The following ITGAE variants were observed in gnomAD, a reference collection of about 807,000 sequenced individuals.
ITGAE encodes integrin subunit alpha E.
A neutral mutation model predicts 136.5 loss-of-function variants in ITGAE; 99 were observed. That is an observed-to-expected ratio of 0.73 (90% CI 0.62 to 0.86). The LOEUF (loss-of-function observed/expected upper bound fraction) is 0.86, where lower values mean the gene tolerates loss of function less well. Ranked by LOEUF, ITGAE falls within the 40% of genes least tolerant of loss-of-function variation. The pLI, the probability that ITGAE is intolerant of heterozygous loss-of-function variation, is 0.00. For missense variants in ITGAE, 1,447 were observed against 1,515.3 expected, an observed-to-expected ratio of 0.95 and a Z score of 0.75; for synonymous variants, 613 against 591.8, an observed-to-expected ratio of 1.04 and a Z score of -0.52.
In ITGAE at chr17:3,743,488, C is replaced by G; in HGVS notation, c.2448+1G>C. On this transcript the variant is annotated splice_donor_variant, in intron 19 of 30. Coordinates refer to ENST00000263087, the MANE Select transcript of ITGAE (RefSeq NM_002208.5). LOFTEE classifies it high-confidence loss of function. ...TGGGTACTGGCTGTGGGTAGAGTCACCTGGAAGATGGCAAAGGGCTCAGTG... is the reference window on the plus strand; with the variant it reads ...TGGGTACTGGCTGTGGGTAGAGTCAGCTGGAAGATGGCAAAGGGCTCAGTG... The G allele has an allele frequency of 6.3e-7, 1 of 1,591,850 alleles. No individual in the cohort carries two copies. The highest frequency in any genetic ancestry group is 8.5e-7 in the Non-Finnish European group (1 of 1,171,598).
chr17:3,746,009 C>T, intron 17 of ITGAE, 82 bp from the exon 18 acceptor site: 1 of 1,302,610 alleles, frequency 7.7e-7, no homozygotes, highest in Non-Finnish European at 1.1e-6. Context: ...CCTGAGGTTC[C>T]TTGTGGCCCC....
At chr17:3,797,369 G>A (rs1483437579) in intron 1 of ITGAE, among the ~76,000 whole-genome samples, 1 of 150,826 alleles carries the variant, frequency 6.6e-6, no homozygotes, top group Non-Finnish European at 1.5e-5. Flanking sequence ...GTTTCACTGT[G>A]TTAGCCAGGA....
intron 20 of ITGAE, among the ~76,000 whole-genome samples, chr17:3,736,026 C>T (rs1021848238): frequency 6.6e-6 from 1 of 152,132 alleles, no homozygotes; most frequent in African/African-American, 2.4e-5. Flanking sequence ...TGCCTGTAAT[C>T]CCAGCTACTC....
chr17:3,766,051 G>T (rs1248056482), intron 2 of ITGAE, among the ~76,000 whole-genome samples: 1 of 152,204 alleles, frequency 6.6e-6, no homozygotes, highest in African/African-American at 2.4e-5. Flanking sequence ...ATGAGATGGG[G>T]GGGTTATCCT....
intron 26 of ITGAE, 190 bp from the exon 27 acceptor site, chr17:3,723,934 C>T: frequency 2.6e-6 from 4 of 1,549,028 alleles, no homozygotes; most frequent in Non-Finnish European, 3.5e-6. Flanking sequence ...CGGGTGCCGG[C>T]CATGGCGGCT....
chr17:3,743,625 G>T lies in ITGAE; in HGVS notation c.2320-8C>A. The T allele has an allele frequency of 6.2e-7, 1 of 1,610,390 alleles. No individual in the cohort carries two copies. Among genetic ancestry groups the T allele is most frequent in the Non-Finnish European group, 8.5e-7 (1 of 1,178,716 alleles). Reference sequence around the variant, plus strand: ...GCAGTCCTCCTCACAGAGCTGTGGGGTCACCACGGAAGGCAGGGTTAGAGT... The same window carrying T: ...GCAGTCCTCCTCACAGAGCTGTGGGTTCACCACGGAAGGCAGGGTTAGAGT... On this transcript the variant is annotated splice_region_variant and splice_polypyrimidine_tract_variant and intron_variant, in intron 18 of 30. Coordinates refer to ENST00000263087, the MANE Select transcript of ITGAE (RefSeq NM_002208.5).
At chr17:3,774,981 C>T (rs2052507739) in intron 2 of ITGAE, among the ~76,000 whole-genome samples, 1 of 152,060 alleles carries the variant, frequency 6.6e-6, no homozygotes, top group Admixed American at 6.6e-5. Flanking sequence ...CGTTCTGTCA[C>T]CCAGGCTGAA....
At chr17:3,752,143 G>A (rs2051887903) in intron 14 of ITGAE, among the ~76,000 whole-genome samples, 2 of 152,180 alleles carry the variant, frequency 1.3e-5, no homozygotes, top group Non-Finnish European at 2.9e-5. Flanking sequence ...CACGCTCACT[G>A]GCCAGGGACC....
At chr17:3,731,002 C>G in intron 23 of ITGAE, 102 bp downstream of exon 23, 1 of 898,844 alleles carries the variant, frequency 1.1e-6, no homozygotes, top group Non-Finnish European at 1.8e-6. Flanking sequence ...TTTCCTTTCT[C>G]CCTGGGCTGT....
intron 13 of ITGAE, 44 bp from the exon 14 acceptor site, chr17:3,753,474 G>A: frequency 6.3e-7 from 1 of 1,599,040 alleles, no homozygotes; most frequent in Non-Finnish European, 8.5e-7. Context: ...CCCCGCTCCT[G>A]CACCCCTCAG....
chr17:3,742,978 G>T (rs1012590052), intron 19 of ITGAE, among the ~76,000 whole-genome samples: 1 of 152,208 alleles, frequency 6.6e-6, no homozygotes, highest in Non-Finnish European at 1.5e-5. Context: ...GACACTACCC[G>T]CCTGTCTAAG....
chr17:3,752,895 T>C (rs220481), intron 14 of ITGAE, among the ~76,000 whole-genome samples: 20,403 of 147,406 alleles, frequency 0.14, 1,551 homozygotes, highest in African/African-American at 0.19. Flanking sequence ...ACCAAAAATA[T>C]AAAATTAGCC....
At chr17:3,786,556 T>C (rs2052802526) in intron 1 of ITGAE, among the ~76,000 whole-genome samples, 1 of 152,090 alleles carries the variant, frequency 6.6e-6, no homozygotes, top group South Asian at 2.1e-4. Flanking sequence ...AATACAAAAA[T>C]GCTGCACAAA....
chr17:3,750,693 G>A (rs1452485691), intron 15 of ITGAE, among the ~76,000 whole-genome samples: 1 of 152,004 alleles, frequency 6.6e-6, no homozygotes, highest in African/African-American at 2.4e-5. Flanking sequence ...ACAGGGGAGA[G>A]TAAGGGAAAG....
intron 18 of ITGAE, 101 bp downstream of exon 18, chr17:3,745,663 C>T (rs1316277851): frequency 9.5e-6 from 11 of 1,161,816 alleles, no homozygotes; most frequent in African/African-American, 3.1e-5. Context: ...TTTTAATCAC[C>T]TCATTTGTAG....
intron 20 of ITGAE, among the ~76,000 whole-genome samples, chr17:3,736,012 C>T (rs2051451702): frequency 6.6e-6 from 1 of 152,142 alleles, no homozygotes; most frequent in South Asian, 2.1e-4. Context: ...GGTGTGGTGG[C>T]AGGTGCCTGT....
At chr17:3,761,248 G>T (rs867307739) in intron 5 of ITGAE, 71 bp from the exon 6 acceptor site, 1 of 1,567,822 alleles carries the variant, frequency 6.4e-7, no homozygotes, top group African/African-American at 1.3e-5. Context: ...CTCACACATG[G>T]TTCTGCCCTG....
intron 20 of ITGAE, among the ~76,000 whole-genome samples, chr17:3,738,385 T>G (rs1448577992): frequency 3.3e-5 from 5 of 152,094 alleles, no homozygotes; most frequent in Non-Finnish European, 7.4e-5. Context: ...TGACCAGGCT[T>G]GTCTCAAACT....
Position 3,798,934 on chromosome 17 carries a change from A to G in ITGAE, c.34+2177T>C, listed in dbSNP as rs2053185633. On this transcript the variant is annotated intron_variant, in intron 1 of 30. Transcript: ENST00000263087. The surrounding 1 kb of genome is among the most constrained non-coding windows in gnomAD (Gnocchi z 4.3). ...ACCCAATGCTTCTAAAATCTCCCTT[A>G]GACAACTGCTATTATTCCGTCTGCT... Among the ~76,000 whole-genome samples the G allele has an allele frequency of 6.6e-6, 1 of 152,122 alleles. No individual in the cohort carries two copies. Among genetic ancestry groups the G allele is most frequent in the African/African-American group, 2.4e-5 (1 of 41,412 alleles).
Sources: gnomAD v4.1 joint callset for allele counts (sites outside exome capture counted in the v4.1 genomes callset) on GRCh38, gnomAD v4.1.1 for gene constraint, Gnocchi (gnomAD v3.1) non-coding constraint, MANE v1.5 for transcripts, NCBI Gene and HGNC (gene_info 2026-07-23, HGNC 2026-07-21) for gene names.